The following TMEM276 variants were observed in gnomAD, a reference collection of about 807,000 sequenced individuals.
The protein encoded by TMEM276 is transmembrane protein 276.
chr8:144,465,543 G>A, the TMEM276 span: 17 of 500,128 alleles, frequency 3.4e-5, no homozygotes, highest in Admixed American at 5.2e-4. Context: ...GGGGGGGAGG[G>A]TCGAGGCCTG....
chr8:144,466,354 G>T, the TMEM276 span: 2 of 586,896 alleles, frequency 3.4e-6, no homozygotes, highest in Admixed American at 1.0e-4. Context: ...CGGCGGGCGG[G>T]CGCCGAGTCT....
chr8:144,465,040 G>A, the TMEM276 span: 4 of 1,533,226 alleles, frequency 2.6e-6, no homozygotes, highest in East Asian at 2.4e-5. Flanking sequence ...CCCATTACTG[G>A]ATGTTAGGAG....
At chr8:144,464,484 G>C in the TMEM276 span, 1 of 1,612,394 alleles carries the variant, frequency 6.2e-7, no homozygotes, top group Non-Finnish European at 8.5e-7. Flanking sequence ...AGGCCAGAAG[G>C]GGAAGGCCGA....
At chr8:144,466,628 C>A in the TMEM276 span, 1 of 903,670 alleles carries the variant, frequency 1.1e-6, no homozygotes, top group Non-Finnish European at 1.5e-6. Flanking sequence ...GGGGCCGTGC[C>A]GAGGACCCTC....
the TMEM276 span, chr8:144,465,122 G>C: frequency 2.7e-6 from 4 of 1,472,072 alleles, no homozygotes; most frequent in Non-Finnish European, 3.6e-6. Flanking sequence ...ACCTAATTCA[G>C]CCGGGAAACG....
At chr8:144,465,190 C>A in the TMEM276 span, 1 of 1,323,448 alleles carries the variant, frequency 7.6e-7, no homozygotes. Flanking sequence ...GCCCTGGAGC[C>A]CAAGTGGGAG....
chr8:144,464,139 G>T, the TMEM276 span: 1 of 1,609,768 alleles, frequency 6.2e-7, no homozygotes, highest in Non-Finnish European at 8.5e-7. Flanking sequence ...ACTCCCACTG[G>T]AGGCGCTGTG....
the TMEM276 span, chr8:144,466,530 TG>T: frequency 8.2e-7 from 1 of 1,223,956 alleles, no homozygotes; most frequent in Non-Finnish European, 1.0e-6. Flanking sequence ...TGAGCGGGGC[TG>T]GCCGTGCAGC....
the TMEM276 span, chr8:144,466,590 C>A: frequency 1.2e-5 from 11 of 908,930 alleles, no homozygotes; most frequent in Non-Finnish European, 1.6e-5. Flanking sequence ...GTTCCCGGGG[C>A]GGGGGCGGGC....
the TMEM276 span, chr8:144,466,967 G>C: frequency 6.3e-7 from 1 of 1,594,236 alleles, no homozygotes; most frequent in Non-Finnish European, 8.5e-7. Flanking sequence ...AGCCAGCTCC[G>C]AGCCTGAGGA....
At chr8:144,465,969 A>AG in the TMEM276 span, 7 of 73,062 alleles carry the variant, frequency 9.6e-5, no homozygotes, top group African/African-American at 3.3e-4. Flanking sequence ...CGAGGCTGCA[A>AG]GGAACGGGGT....
chr8:144,465,107 G>T, the TMEM276 span: 1 of 1,483,094 alleles, frequency 6.7e-7, no homozygotes, highest in South Asian at 1.2e-5. Context: ...CTGTGGAGAA[G>T]AAGAACCTAA....
chr8:144,464,296 G>A, the TMEM276 span: 1 of 1,613,234 alleles, frequency 6.2e-7, no homozygotes, highest in South Asian at 1.1e-5. Flanking sequence ...CATCCCATAA[G>A]TGTTGGCCGT....
At chr8:144,464,202 G>A in the TMEM276 span, 20 of 1,613,178 alleles carry the variant, frequency 1.2e-5, 1 homozygote, top group East Asian at 4.0e-4. Flanking sequence ...CCCAGCGACA[G>A]ACATCCTCCT....
chr8:144,466,501 C>T, the TMEM276 span: 3 of 1,299,086 alleles, frequency 2.3e-6, no homozygotes, highest in East Asian at 7.1e-5. Flanking sequence ...GGCCGCGGAG[C>T]CCGGGGACCC....
At chr8:144,464,808 C>T in the TMEM276 span, 1 of 1,612,686 alleles carries the variant, frequency 6.2e-7, no homozygotes, top group Non-Finnish European at 8.5e-7. Context: ...AGTGTACTCA[C>T]CTCGGCTGTG....
chr8:144,466,887 C>T, the TMEM276 span: 3 of 1,543,080 alleles, frequency 1.9e-6, no homozygotes, highest in Non-Finnish European at 2.6e-6. Flanking sequence ...GCCGGGACCT[C>T]CCAGGGAGGG....
the TMEM276 span, chr8:144,465,039 G>A: frequency 2.0e-6 from 3 of 1,535,020 alleles, no homozygotes; most frequent in Non-Finnish European, 2.6e-6. Context: ...CCCCATTACT[G>A]GATGTTAGGA....
At chr8:144,464,306 T>C in the TMEM276 span, 1 of 1,613,078 alleles carries the variant, frequency 6.2e-7, no homozygotes, top group Non-Finnish European at 8.5e-7. Flanking sequence ...GTGTTGGCCG[T>C]GAAGACAGCT....
Sources: allele counts gnomAD v4.1 joint callset, GRCh38; gene constraint gnomAD v4.1.1; transcripts MANE v1.5; gene names NCBI Gene and HGNC (gene_info 2026-07-23, HGNC 2026-07-21).